Variants in FNBP1 observed in about 807,000 individuals in gnomAD.
FNBP1 encodes formin-binding protein 1.
Under a neutral mutation model 90.6 loss-of-function variants are expected in FNBP1, and 26 were observed. The observed-to-expected ratio is 0.29, with a 90% CI of 0.21 to 0.40. The LOEUF is 0.40. FNBP1 is among the 10% of genes least tolerant of loss of function. The pLI is 1.00. For missense variants in FNBP1, 635 were observed against 768.0 expected, an observed-to-expected ratio of 0.83 and a Z score of 2.05; for synonymous variants, 260 against 265.2, an observed-to-expected ratio of 0.98 and a Z score of 0.19.
intron 2 of FNBP1, among the ~76,000 whole-genome samples, chr9:129,981,206 G>A (rs1189732494): frequency 1.3e-5 from 2 of 151,816 alleles, no homozygotes; most frequent in Admixed American, 1.3e-4. Context: ...CTCCTGCCTC[G>A]CCTCCCGAGT....
chr9:130,053,833 G>C, the FNBP1 span: 17 of 1,173,448 alleles, frequency 1.4e-5, no homozygotes, highest in Non-Finnish European at 2.1e-5. Flanking sequence ...GGTCAGCGGA[G>C]CTAGCCGCCG....
intron 6 of FNBP1, among the ~76,000 whole-genome samples, chr9:129,953,033 A>G (rs1334498998): frequency 2.6e-5 from 4 of 152,246 alleles, no homozygotes; most frequent in Admixed American, 2.6e-4. Context: ...TGGATAAAAC[A>G]GTAAGTTTGG....
At position 129,929,510 on chromosome 9, in the gene FNBP1, T is replaced by A. The variant is rs191949698; in HGVS notation, c.642+57A>T. On this transcript the variant is annotated intron_variant, in intron 7 of 16. Coordinates refer to ENST00000446176, the MANE Select transcript of FNBP1 (RefSeq NM_015033.3). ...CAGCAATCACGATTCAGAAGTGTCA[T>A]GTTTCTAAGGAAAGCAAAGCATAAA... 203 of 1,549,774 alleles carry A rather than the reference T, an allele frequency of 1.3e-4. 1 individual carries two copies. In the South Asian group the frequency reaches 1.6e-3, roughly 12 times the overall value.
rs1045296642 is a variant in FNBP1 at position 130,042,598 on chromosome 9, C to G, written c.24+354G>C. ...GCCGGGGCCTCCACGCCCCCACGCC[C>G]GGTCCCGGCCCTCCCCGGGCATCCG... On this transcript the variant is annotated intron_variant, in intron 1 of 16. Transcript: ENST00000446176. The surrounding 1 kb of genome is among the most constrained non-coding windows in gnomAD (Gnocchi z 5.5). Among the ~76,000 whole-genome samples the G allele has an allele frequency of 6.6e-6, 1 of 151,706 alleles. No individual in the cohort carries two copies. Among genetic ancestry groups the G allele is most frequent in the Non-Finnish European group, 1.5e-5 (1 of 67,880 alleles).
At chr9:130,036,943 G>T (rs1036005087) in intron 1 of FNBP1, among the ~76,000 whole-genome samples, 3 of 151,964 alleles carry the variant, frequency 2.0e-5, no homozygotes, top group Non-Finnish European at 4.4e-5. Flanking sequence ...TACTCGGGAG[G>T]CTGAGGCGGG....
chr9:129,892,416 C>CACACAA (rs386416323), intron 16 of FNBP1, among the ~76,000 whole-genome samples: 14 of 134,638 alleles, frequency 1.0e-4, no homozygotes, highest in African/African-American at 3.9e-4. Flanking sequence ...CACACACACA[C>CACACAA]AAAAAGGTTG....
intron 12 of FNBP1, among the ~76,000 whole-genome samples, chr9:129,904,971 AAAT>A (rs1203001626): frequency 1.3e-4 from 20 of 152,296 alleles, no homozygotes; most frequent in South Asian, 4.1e-4. Flanking sequence ...AAACATTTTT[AAAT>A]AATGTTAAAT....
At chr9:130,018,685 C>T (rs1335023366) in intron 1 of FNBP1, among the ~76,000 whole-genome samples, 2 of 152,072 alleles carry the variant, frequency 1.3e-5, no homozygotes, top group Non-Finnish European at 2.9e-5. Flanking sequence ...TCAAGTCACC[C>T]GCCCATCTCT....
intron 6 of FNBP1, among the ~76,000 whole-genome samples, chr9:129,953,577 C>G (rs1171390338): frequency 6.6e-6 from 1 of 151,948 alleles, no homozygotes; most frequent in Admixed American, 6.6e-5. Context: ...AACCATGCTT[C>G]TAAATTGATC....
At position 129,895,824 on chromosome 9, in the gene FNBP1, A is replaced by T. The variant is rs777837869; in HGVS notation, c.1846+14T>A. 2 of 1,566,900 alleles carry T rather than the reference A, an allele frequency of 1.3e-6. No homozygotes were observed. Among genetic ancestry groups the T allele is most frequent in the Non-Finnish European group, 1.7e-6 (2 of 1,160,588 alleles). On this transcript the variant is annotated intron_variant, in intron 16 of 16. Transcript: ENST00000446176. ...GTTTTTTTTTTTTATGGTATTAAAT[A>T]TAAGTCTTAGCACCTTTGGCATTTT...
chr9:129,905,351 G>A (rs1402544328), intron 12 of FNBP1, among the ~76,000 whole-genome samples: 4 of 145,558 alleles, frequency 2.7e-5, no homozygotes, highest in Non-Finnish European at 4.5e-5. Context: ...TTACTCTGTC[G>A]CCTAGGCTGG....
intron 15 of FNBP1, among the ~76,000 whole-genome samples, chr9:129,897,955 G>A (rs917977707): frequency 2.0e-5 from 3 of 151,834 alleles, no homozygotes; most frequent in African/African-American, 4.8e-5. Context: ...TCAGCCTCCC[G>A]AGTAGCTGGG....
rs769666989 is a variant in FNBP1 at position 129,913,045 on chromosome 9, T to C, written c.1185+2921A>G. 1.3e-3 allele frequency among the ~76,000 whole-genome samples: 194 copies of C among 151,832 alleles called. 2 individuals are homozygous for C. The highest frequency in any genetic ancestry group is 2.2e-3 in the Non-Finnish European group (151 of 67,920). On this transcript the variant is annotated intron_variant, in intron 11 of 16. Coordinates refer to ENST00000446176, the MANE Select transcript of FNBP1 (RefSeq NM_015033.3). ...CAGCCTGGCCAACATGGTGAAACCC[T>C]GTCTCTACAAAAATTAGCTAGGCAT...
the FNBP1 span, among the ~76,000 whole-genome samples, chr9:130,051,229 G>A: frequency 6.6e-6 from 1 of 151,784 alleles, no homozygotes; most frequent in Non-Finnish European, 1.5e-5. Context: ...TAGAGAAGGT[G>A]TTTCACCATG....
chr9:129,979,252 T>C (rs950189331), intron 3 of FNBP1, 66 bp downstream of exon 3: 1 of 895,616 alleles, frequency 1.1e-6, no homozygotes, highest in African/African-American at 1.7e-5. Context: ...CATGTATTTC[T>C]CCTTTCCGTG....
chr9:130,007,251 A>G (rs1335114731), intron 1 of FNBP1, among the ~76,000 whole-genome samples: 2 of 148,878 alleles, frequency 1.3e-5, no homozygotes, highest in African/African-American at 5.1e-5. Flanking sequence ...AAAAAAAAAA[A>G]AAAAAAGAAA....
intron 10 of FNBP1, among the ~76,000 whole-genome samples, chr9:129,918,404 A>G (rs2040577429): frequency 6.6e-6 from 1 of 152,230 alleles, no homozygotes; most frequent in African/African-American, 2.4e-5. Context: ...CATTAAGTGC[A>G]TTGCTAGACA....
intron 7 of FNBP1, among the ~76,000 whole-genome samples, chr9:129,928,940 A>C (rs886755322): frequency 4.6e-5 from 7 of 151,956 alleles, no homozygotes; most frequent in Admixed American, 1.3e-4. Context: ...AAAATTTAAA[A>C]ATTAGCAGGG....
chr9:130,036,838 G>T (rs748817829), intron 1 of FNBP1, among the ~76,000 whole-genome samples: 2 of 152,098 alleles, frequency 1.3e-5, no homozygotes, highest in Admixed American at 6.6e-5. Flanking sequence ...AAGGTCAGGA[G>T]ATCGAGACCA....
Sources: allele counts gnomAD v4.1 joint callset (sites outside exome capture counted in the v4.1 genomes callset), GRCh38; gene constraint gnomAD v4.1.1; non-coding constraint Gnocchi (gnomAD v3.1); transcripts MANE v1.5; gene names NCBI Gene and HGNC (gene_info 2026-07-23, HGNC 2026-07-21).